ERBB4: variants seen among roughly 807,000 people sequenced by gnomAD.
ERBB4 encodes erb-b2 receptor tyrosine kinase 4.
Under a neutral mutation model 158.0 loss-of-function variants are expected in ERBB4, and 42 were observed. The ratio of observed to expected loss-of-function variants is 0.27; its 90% CI spans 0.21 to 0.34. The LOEUF (loss-of-function observed/expected upper bound fraction) is 0.34. Among genes scored for constraint, ERBB4 ranks in the 10% least tolerant of loss-of-function variants. The probability of loss-of-function intolerance (pLI) is 1.00; values close to 1 mark genes in which losing one functional copy is unlikely to be tolerated. For missense variants in ERBB4, 1,333 were observed against 1,624.1 expected, an observed-to-expected ratio of 0.82 and a Z score of 3.08; for synonymous variants, 583 against 558.7, an observed-to-expected ratio of 1.04 and a Z score of -0.61.
rs114400955 is a variant in ERBB4, at chr2:212,092,968, T to A, written c.234+31784A>T. On this transcript the variant is annotated intron_variant, in intron 2 of 27. Transcript: ENST00000342788. ...GAATTTAAAGTATAATAAGAAAAAATTAGGCAATACAGAAACACAGGGAAA... is the reference window on the plus strand; with the variant it reads ...GAATTTAAAGTATAATAAGAAAAAAATAGGCAATACAGAAACACAGGGAAA... 6.7e-3 allele frequency among the ~76,000 whole-genome samples: 1,013 copies of A among 152,176 alleles called. 10 individuals carry two copies. Among genetic ancestry groups the A allele is most frequent in the African/African-American group, 0.022 (932 of 41,520 alleles).
At chr2:212,480,558 C>T (rs1689640667) in intron 1 of ERBB4, among the ~76,000 whole-genome samples, 1 of 152,124 alleles carries the variant, frequency 6.6e-6, no homozygotes, top group Non-Finnish European at 1.5e-5. Context: ...AAAGATAGTG[C>T]CTCCTTATAT....
Position 212,015,102 on chromosome 2 carries a change from A to C in ERBB4, c.235-67486T>G. ...TATATATATATATATATATATATAT[A>C]TATATATATAAAAATTAGCCGGGCA... On this transcript the variant is annotated intron_variant, in intron 2 of 27. Transcript: ENST00000342788. Among the ~76,000 whole-genome samples, 2 of 80,602 alleles carry C rather than the reference A, an allele frequency of 2.5e-5. 1 individual carries two copies. Among genetic ancestry groups the C allele is most frequent in the Non-Finnish European group, 4.5e-5 (2 of 44,060 alleles). The allele number at this position is 80,602 out of a possible 152,430, so 52.9% of individuals were successfully genotyped here. A position where few individuals can be genotyped will look rare whatever the true frequency, so the allele number is the denominator to read the frequency against.
chr2:211,521,578 G>A (rs2066187039), intron 20 of ERBB4, among the ~76,000 whole-genome samples: 1 of 152,122 alleles, frequency 6.6e-6, no homozygotes. Context: ...GATGAAGGTG[G>A]CTCCACTAAA....
chr2:211,494,547 C>T (rs796336831), intron 20 of ERBB4, among the ~76,000 whole-genome samples: 4 of 152,242 alleles, frequency 2.6e-5, no homozygotes, highest in African/African-American at 4.8e-5. Context: ...GAGTTCTAGG[C>T]AGCTGCCCGT....
chr2:211,986,519 G>A (rs918509929), intron 2 of ERBB4, among the ~76,000 whole-genome samples: 6 of 152,138 alleles, frequency 3.9e-5, no homozygotes, highest in South Asian at 2.1e-4. Context: ...AAAAGCACAC[G>A]TGAGAGGAAG....
At chr2:212,068,914 A>G (rs2078025641) in intron 2 of ERBB4, among the ~76,000 whole-genome samples, 1 of 152,074 alleles carries the variant, frequency 6.6e-6, no homozygotes, top group Admixed American at 6.6e-5. Context: ...CTAAGAACGT[A>G]AATATGAATG....
chr2:212,166,294 A>T (rs1291165653), intron 1 of ERBB4, among the ~76,000 whole-genome samples: 1 of 152,112 alleles, frequency 6.6e-6, no homozygotes, highest in Non-Finnish European at 1.5e-5. Context: ...GCTTCTTCTC[A>T]CTACAGATTT....
chr2:211,836,228 A>G lies in ERBB4; in HGVS notation c.422-48069T>C, dbSNP rs887387012. ...CCCCAACATTAGCCTTCATTCAGAT[A>G]TATAGACACACGGGTCTCAATATAC... is the stretch of plus-strand genomic sequence containing the variant. On this transcript the variant is annotated intron_variant, in intron 3 of 27. Coordinates refer to ENST00000342788, the MANE Select transcript of ERBB4 (RefSeq NM_005235.3). 5.3e-5 allele frequency among the ~76,000 whole-genome samples: 8 copies of G among 152,092 alleles called. 1 individual carries two copies. The highest frequency in any genetic ancestry group is 1.9e-4 in the African/African-American group (8 of 41,448).
rs71397157 is a variant in ERBB4, at chr2:212,015,028, TAAAA to T, written c.235-67416_235-67413del. Reference sequence around the variant, plus strand: ...TAACACGGTGAAACCCCGTCTCTACTAAAAAAAAAAAAAATATATATATATATAT... The same window carrying T: ...TAACACGGTGAAACCCCGTCTCTACTAAAAAAAAAATATATATATATATAT... On this transcript the variant is annotated intron_variant, in intron 2 of 27. Coordinates refer to ENST00000342788, the MANE Select transcript of ERBB4 (RefSeq NM_005235.3). 2.0e-3 allele frequency among the ~76,000 whole-genome samples: 9 copies of T among 4,526 alleles called. No homozygotes were observed. The Admixed American group carries it at 0.045, about 23-fold the overall frequency. The allele number at this position is 4,526 out of a possible 152,430, so 3.0% of individuals were successfully genotyped here.
At chr2:211,849,717 C>A (rs2077672000) in intron 3 of ERBB4, among the ~76,000 whole-genome samples, 1 of 151,898 alleles carries the variant, frequency 6.6e-6, no homozygotes, top group Non-Finnish European at 1.5e-5. Flanking sequence ...ACTAACATCT[C>A]ATTTATAAAG....
At chr2:212,373,151 A>C (rs1266496702) in intron 1 of ERBB4, among the ~76,000 whole-genome samples, 1 of 152,216 alleles carries the variant, frequency 6.6e-6, no homozygotes, top group African/African-American at 2.4e-5. Flanking sequence ...AAATCATTAT[A>C]TACTTTATCT....
At chr2:212,438,621 T>C (rs2092187959) in intron 1 of ERBB4, among the ~76,000 whole-genome samples, 1 of 152,106 alleles carries the variant, frequency 6.6e-6, no homozygotes. Context: ...CTTTGGAAAA[T>C]ATAAATTGTA....
chr2:211,960,548 C>G (rs1168554471), intron 2 of ERBB4: 1 of 152,002 alleles, frequency 6.6e-6, no homozygotes, highest in South Asian at 2.1e-4. Flanking sequence ...TTAGTCTGTT[C>G]GGTCTTCTAT....
At chr2:212,022,387 G>A (rs184793515) in intron 2 of ERBB4, among the ~76,000 whole-genome samples, 89 of 152,208 alleles carry the variant, frequency 5.8e-4, no homozygotes, top group African/African-American at 2.0e-3. Flanking sequence ...TTGCAGGGAC[G>A]TGGATGAAGC....
In ERBB4 at chr2:211,630,610, A is replaced by T; in HGVS notation, c.1947-16T>A. On this transcript the variant is annotated splice_polypyrimidine_tract_variant and intron_variant, in intron 16 of 27. Coordinates refer to ENST00000342788, the MANE Select transcript of ERBB4 (RefSeq NM_005235.3). ...CAGGGGAGTTCTGACAACCAGAATG[A>T]GAAAAAAAAAAATAAAAAGTATGAA... The T allele has an allele frequency of 6.3e-7, 1 of 1,599,984 alleles. No homozygotes were observed. Among genetic ancestry groups the T allele is most frequent in the African/African-American group, 1.4e-5 (1 of 69,808 alleles).
At chr2:211,906,372 A>C (rs2079392767) in intron 3 of ERBB4, among the ~76,000 whole-genome samples, 1 of 152,282 alleles carries the variant, frequency 6.6e-6, no homozygotes, top group African/African-American at 2.4e-5. Flanking sequence ...TGAGGAACAT[A>C]GCTCACATTC....
chr2:212,423,420 G>C (rs144556330), intron 1 of ERBB4, among the ~76,000 whole-genome samples: 1 of 152,284 alleles, frequency 6.6e-6, no homozygotes, highest in African/African-American at 2.4e-5. Flanking sequence ...GGTTCAACTA[G>C]TAATGTCAAG....
intron 2 of ERBB4, among the ~76,000 whole-genome samples, chr2:211,982,095 CAATA>C (rs923097045): frequency 1.3e-4 from 19 of 151,712 alleles, no homozygotes; most frequent in Non-Finnish European, 7.4e-5. Flanking sequence ...TTGATAAAAA[CAATA>C]AATAAATATA....
chr2:212,430,908 G>A (rs982186790), intron 1 of ERBB4, among the ~76,000 whole-genome samples: 1 of 152,218 alleles, frequency 6.6e-6, no homozygotes, highest in Non-Finnish European at 1.5e-5. Flanking sequence ...CAGAGACAAA[G>A]ATTGAGATTG....
Sources: allele counts gnomAD v4.1 joint callset (sites outside exome capture counted in the v4.1 genomes callset), GRCh38; gene constraint gnomAD v4.1.1; transcripts MANE v1.5; gene names NCBI Gene and HGNC (gene_info 2026-07-23, HGNC 2026-07-21).